The following TMEFF2 variants were observed in gnomAD, a reference collection of about 807,000 sequenced individuals.
The protein encoded by TMEFF2 is tomoregulin-2.
TMEFF2 carries 28 observed loss-of-function variants against 53.8 expected under a neutral mutation model. That is an observed-to-expected ratio of 0.52 (90% CI 0.39 to 0.71). TMEFF2 has a LOEUF of 0.71. Among genes scored for constraint, TMEFF2 ranks in the 30% least tolerant of loss-of-function variants. The pLI is 0.00. For synonymous variants in TMEFF2, 162 were observed against 166.3 expected (o/e 0.97, Z 0.20); for missense variants, 353 against 455.2 (o/e 0.78, Z 2.04).
At chr2:192,037,273 T>TAAAAGAAAGAAAG (rs568551324) in intron 5 of TMEFF2, among the ~76,000 whole-genome samples, 89 of 94,748 alleles carry the variant, frequency 9.4e-4, no homozygotes, top group East Asian at 2.5e-3. Flanking sequence ...CTAGCCAAAA[T>TAAAAGAAAGAAAG]AAAGAAAGAA....
chr2:192,005,201 A>G (rs1686470866), intron 5 of TMEFF2, among the ~76,000 whole-genome samples: 1 of 152,216 alleles, frequency 6.6e-6, no homozygotes, highest in Admixed American at 6.5e-5. Context: ...TTGATGGAGT[A>G]AGGAACTTAA....
chr2:192,035,526 T>C (rs1453227907), intron 5 of TMEFF2: 1 of 152,236 alleles, frequency 6.6e-6, no homozygotes, highest in Non-Finnish European at 1.5e-5. Context: ...TTATTTCTGA[T>C]GTCTTATCTT....
chr2:192,103,307 C>G (rs565297859), intron 4 of TMEFF2, among the ~76,000 whole-genome samples: 1 of 152,304 alleles, frequency 6.6e-6, no homozygotes, highest in South Asian at 2.1e-4. Context: ...TACCAACTGA[C>G]CACTCATAAG....
chr2:192,081,058 G>A (rs1446614994), intron 4 of TMEFF2, among the ~76,000 whole-genome samples: 1 of 152,168 alleles, frequency 6.6e-6, no homozygotes, highest in East Asian at 1.9e-4. Context: ...TGTTATGACA[G>A]TGATCAATGA....
intron 4 of TMEFF2, among the ~76,000 whole-genome samples, chr2:192,139,977 T>C (rs1370867971): frequency 2.0e-5 from 3 of 152,170 alleles, no homozygotes; most frequent in African/African-American, 4.8e-5. Context: ...ACGTCTTAGC[T>C]GAAAACTAAA....
intron 4 of TMEFF2, chr2:192,177,104 G>C (rs13400870): frequency 6.6e-6 from 1 of 151,180 alleles, no homozygotes; most frequent in Non-Finnish European, 1.5e-5. Flanking sequence ...GTTATATAGA[G>C]ATTAGTTAGA....
chr2:191,990,381 CTT>C (rs534875997), intron 7 of TMEFF2, among the ~76,000 whole-genome samples: 18 of 150,592 alleles, frequency 1.2e-4, no homozygotes, highest in Admixed American at 1.3e-4. Context: ...ATGTCAGACT[CTT>C]TAACAAAAGC....
intron 4 of TMEFF2, among the ~76,000 whole-genome samples, chr2:192,136,188 AGTT>A (rs1172367070): frequency 6.6e-6 from 1 of 152,194 alleles, no homozygotes; most frequent in African/African-American, 2.4e-5. Context: ...TTAATTCAGC[AGTT>A]ATTATAATCC....
intron 4 of TMEFF2, among the ~76,000 whole-genome samples, chr2:192,116,057 C>T (rs1315912061): frequency 6.6e-6 from 1 of 151,996 alleles, no homozygotes; most frequent in African/African-American, 2.4e-5. Context: ...GCATTATTCA[C>T]AGTAGACAAG....
At chr2:192,054,446 T>C (rs926839577) in intron 5 of TMEFF2, among the ~76,000 whole-genome samples, 1 of 152,174 alleles carries the variant, frequency 6.6e-6, no homozygotes, top group African/African-American at 2.4e-5. Context: ...ATTTATTTTC[T>C]GAAGTACAGT....
chr2:191,959,105 A>G (rs1018371495), intron 7 of TMEFF2, among the ~76,000 whole-genome samples: 17 of 152,186 alleles, frequency 1.1e-4, no homozygotes, highest in African/African-American at 1.9e-4. Context: ...TAAAAATTAT[A>G]TATTTCTGGA....
chr2:192,159,322 A>G (rs1690580614), intron 4 of TMEFF2, among the ~76,000 whole-genome samples: 1 of 152,156 alleles, frequency 6.6e-6, no homozygotes, highest in Non-Finnish European at 1.5e-5. Flanking sequence ...TCTTCATTTG[A>G]CAAATAGATT....
At chr2:192,132,201 T>C (rs1233127732) in intron 4 of TMEFF2, among the ~76,000 whole-genome samples, 1 of 152,172 alleles carries the variant, frequency 6.6e-6, no homozygotes, top group Non-Finnish European at 1.5e-5. Context: ...CTGGTCTGGC[T>C]TACAGTTTCG....
At chr2:192,168,775 T>G (rs1690833343) in intron 4 of TMEFF2, among the ~76,000 whole-genome samples, 1 of 152,132 alleles carries the variant, frequency 6.6e-6, no homozygotes, top group African/African-American at 2.4e-5. Flanking sequence ...AATGGCAGCA[T>G]GCGAATGTGA....
chr2:192,101,807 C>T (rs745521958), intron 4 of TMEFF2, among the ~76,000 whole-genome samples: 9 of 152,074 alleles, frequency 5.9e-5, no homozygotes, highest in African/African-American at 1.2e-4. Context: ...TCTCTTGTAA[C>T]GAAATATTAG....
chr2:191,960,381 A>G lies in TMEFF2; in HGVS notation c.746-4003T>C, dbSNP rs530791289. On this transcript the variant is annotated intron_variant, in intron 7 of 9. Coordinates refer to ENST00000272771, the MANE Select transcript of TMEFF2 (RefSeq NM_016192.4). ...CACATTGGAATGGCTTTGACAAAAC[A>G]ACATGAATATCTTACCCATTTAACA... Among the ~76,000 whole-genome samples, 265 of 152,390 alleles carry G rather than the reference A, an allele frequency of 1.7e-3. 1 individual carries two copies. The highest frequency in any genetic ancestry group is 5.8e-3 in the Admixed American group (89 of 15,304).
At chr2:191,967,370 C>G (rs1042417232) in intron 7 of TMEFF2, among the ~76,000 whole-genome samples, 3 of 152,094 alleles carry the variant, frequency 2.0e-5, no homozygotes, top group African/African-American at 7.2e-5. Context: ...TGTATAAACA[C>G]AATTCTACTA....
rs71405028 is a variant in TMEFF2 at position 191,955,524 on chromosome 2, A to ATTTTTTTTTTTTTTTTTTTTTTT, written c.869+708_869+730dup. Among the ~76,000 whole-genome samples the ATTTTTTTTTTTTTTTTTTTTTTT allele has an allele frequency of 3.3e-5, 2 of 60,292 alleles. 1 individual carries two copies. Among genetic ancestry groups the ATTTTTTTTTTTTTTTTTTTTTTT allele is most frequent in the Non-Finnish European group, 5.8e-5 (2 of 34,468 alleles). The allele number at this position is 60,292 out of a possible 152,430, so 39.6% of individuals were successfully genotyped here. Reference sequence around the variant, plus strand: ...TGCCACCGTGCCTGGCTAATTCTTAATTTTTTTTTTTTTTTTTTTTTTTTA... The same window carrying ATTTTTTTTTTTTTTTTTTTTTTT: ...TGCCACCGTGCCTGGCTAATTCTTAATTTTTTTTTTTTTTTTTTTTTTTTTTTTTTTTTTTTTTTTTTTTTTTA... On this transcript the variant is annotated intron_variant, in intron 8 of 9. Coordinates refer to ENST00000272771, the MANE Select transcript of TMEFF2 (RefSeq NM_016192.4).
chr2:192,062,969 T>G (rs56154153), intron 4 of TMEFF2, among the ~76,000 whole-genome samples: 34 of 324 alleles, frequency 0.1, no homozygotes, highest in South Asian at 0.5. Flanking sequence ...TCCGGGAGTG[T>G]TTTTTTTTTT....
Sources: gnomAD v4.1 joint callset for allele counts (sites outside exome capture counted in the v4.1 genomes callset) on GRCh38, gnomAD v4.1.1 for gene constraint, MANE v1.5 for transcripts, NCBI Gene and HGNC (gene_info 2026-07-23, HGNC 2026-07-21) for gene names.